The following ROBO1 variants were observed in gnomAD, a reference collection of about 807,000 sequenced individuals.
ROBO1 encodes the protein roundabout guidance receptor 1.
A neutral mutation model predicts 195.9 loss-of-function variants in ROBO1; 149 were observed. The ratio of observed to expected loss-of-function variants is 0.76; its 90% confidence interval spans 0.67 to 0.87. The LOEUF (loss-of-function observed/expected upper bound fraction) is 0.87, where lower values mean the gene tolerates loss of function less well. Among genes scored for constraint, ROBO1 ranks in the 40% least tolerant of loss-of-function variants. ROBO1 has a pLI of 0.00. For synonymous variants in ROBO1, 816 were observed against 733.2 expected, an observed-to-expected ratio of 1.11 and a Z score of -1.82; for missense variants, 1,933 against 2,068.3, an observed-to-expected ratio of 0.93 and a Z score of 1.27.
intron 2 of ROBO1, among the ~76,000 whole-genome samples, chr3:79,206,576 A>G (rs1193841673): frequency 6.6e-6 from 1 of 152,154 alleles, no homozygotes; most frequent in Non-Finnish European, 1.5e-5. Flanking sequence ...GGGTCTTGAA[A>G]CATATCCCCT....
intron 4 of ROBO1, among the ~76,000 whole-genome samples, chr3:78,857,279 C>T (rs919966606): frequency 6.6e-6 from 1 of 152,130 alleles, no homozygotes; most frequent in African/African-American, 2.4e-5. Context: ...ATCTATTAGA[C>T]ATGGGTACAC....
intron 3 of ROBO1, among the ~76,000 whole-genome samples, chr3:78,990,203 C>G (rs1381688614): frequency 6.6e-6 from 1 of 152,120 alleles, no homozygotes; most frequent in Non-Finnish European, 1.5e-5. Context: ...GGTGTTCTTT[C>G]AATCATTGTT....
intron 2 of ROBO1, among the ~76,000 whole-genome samples, chr3:79,325,316 A>C (rs1213196854): frequency 6.6e-6 from 1 of 152,200 alleles, no homozygotes; most frequent in Non-Finnish European, 1.5e-5. Context: ...GACCTCACAC[A>C]ATATTCCTAC....
At position 78,965,240 on chromosome 3, in the gene ROBO1, C is replaced by T. The variant is rs558585322; in HGVS notation, c.173-26313G>A. ...CCCTTGATAATTTATAAATTACATT[C>T]AATACATTTAGGAAAATTCTACCAA... On this transcript the variant is annotated intron_variant, in intron 3 of 30. Transcript: ENST00000464233. Among the ~76,000 whole-genome samples, 8 of 152,108 alleles carry T rather than the reference C, an allele frequency of 5.3e-5. No homozygotes were observed. The East Asian group carries it at 1.5e-3, about 29-fold the overall frequency.
chr3:79,244,896 C>T (rs2082595755), intron 2 of ROBO1, among the ~76,000 whole-genome samples: 1 of 151,662 alleles, frequency 6.6e-6, no homozygotes, highest in African/African-American at 2.4e-5. Flanking sequence ...TATTTTAAGA[C>T]ATAAGGGCAT....
At chr3:79,355,952 T>C (rs1229058824) in intron 2 of ROBO1, among the ~76,000 whole-genome samples, 2 of 152,220 alleles carry the variant, frequency 1.3e-5, no homozygotes, top group African/African-American at 4.8e-5. Context: ...CTGGATCATA[T>C]AGTATTTCTA....
intron 1 of ROBO1, among the ~76,000 whole-genome samples, chr3:79,693,621 G>T (rs1947359745): frequency 6.6e-6 from 1 of 151,512 alleles, no homozygotes; most frequent in Non-Finnish European, 1.5e-5. Flanking sequence ...TTTTTTCACA[G>T]AAATTGAATC....
intron 3 of ROBO1, among the ~76,000 whole-genome samples, chr3:79,076,797 A>G (rs2079181505): frequency 6.6e-6 from 1 of 151,830 alleles, no homozygotes; most frequent in African/African-American, 2.4e-5. Context: ...AGGGACAAGC[A>G]GAGGTTGGAG....
At chr3:79,142,859 T>C (rs951945485) in intron 2 of ROBO1, among the ~76,000 whole-genome samples, 4 of 152,164 alleles carry the variant, frequency 2.6e-5, no homozygotes, top group African/African-American at 9.6e-5. Context: ...TTATGATAAC[T>C]ATGTATGAAC....
chr3:79,536,016 A>C (rs1052615944), intron 2 of ROBO1, among the ~76,000 whole-genome samples: 5 of 152,110 alleles, frequency 3.3e-5, no homozygotes, highest in African/African-American at 9.7e-5. Context: ...CCTATTAACA[A>C]TACATCTTGG....
chr3:78,997,019 T>C (rs1301717410), intron 3 of ROBO1, among the ~76,000 whole-genome samples: 1 of 152,150 alleles, frequency 6.6e-6, no homozygotes, highest in East Asian at 1.9e-4. Context: ...CTGGATATTT[T>C]TGCTGGTCAT....
intron 2 of ROBO1, among the ~76,000 whole-genome samples, chr3:79,139,524 T>C (rs2080478537): frequency 6.6e-6 from 1 of 152,154 alleles, no homozygotes; most frequent in Non-Finnish European, 1.5e-5. Context: ...GAGGTTGTCA[T>C]AGAAATAATG....
chr3:78,726,117 G>A (rs1257587618), intron 5 of ROBO1, among the ~76,000 whole-genome samples: 1 of 151,692 alleles, frequency 6.6e-6, no homozygotes, highest in Non-Finnish European at 1.5e-5. Context: ...TTATATTAAG[G>A]GCTTCAAAGA....
intron 3 of ROBO1, among the ~76,000 whole-genome samples, chr3:78,939,425 T>C (rs1285080668): frequency 1.4e-5 from 2 of 147,234 alleles, no homozygotes; most frequent in East Asian, 2.0e-4. Flanking sequence ...CCATCCTGGC[T>C]AACAAGGTGA....
rs112675063 is a variant in ROBO1, at chr3:79,124,427, G to A, written c.172+1029C>T. Among the ~76,000 whole-genome samples, 478 of 152,194 alleles carry A rather than the reference G, an allele frequency of 3.1e-3. 6 individuals carry two copies. Among genetic ancestry groups the A allele is most frequent in the Non-Finnish European group, 5.4e-3 (369 of 67,988 alleles). On this transcript the variant is annotated intron_variant, in intron 3 of 30. Transcript: ENST00000464233. ...AGAATGATATTTATGAAGACTGTGAGGATGCTTCAAAAGTAAAATATCAAG... is the reference window on the plus strand; with the variant it reads ...AGAATGATATTTATGAAGACTGTGAAGATGCTTCAAAAGTAAAATATCAAG...
chr3:78,636,903 CTGAATATACATACA>C (rs1705535120), intron 22 of ROBO1, among the ~76,000 whole-genome samples: 1 of 129,314 alleles, frequency 7.7e-6, no homozygotes, highest in African/African-American at 2.8e-5. Context: ...CATTAAATAA[CTGAATATACATACA>C]TAATATATAC....
intron 4 of ROBO1, among the ~76,000 whole-genome samples, chr3:78,805,505 T>C (rs2084509746): frequency 6.6e-6 from 1 of 152,110 alleles, no homozygotes; most frequent in Non-Finnish European, 1.5e-5. Context: ...GTATCTTTTG[T>C]TCTAACTCTA....
At chr3:79,100,317 A>G (rs940295987) in intron 3 of ROBO1, among the ~76,000 whole-genome samples, 1 of 151,876 alleles carries the variant, frequency 6.6e-6, no homozygotes, top group African/African-American at 2.4e-5. Context: ...TTCATGGAGA[A>G]GTAGTGTTTC....
chr3:79,656,023 T>C (rs1291670181), intron 1 of ROBO1, among the ~76,000 whole-genome samples: 1 of 152,130 alleles, frequency 6.6e-6, no homozygotes, highest in Admixed American at 6.6e-5. Flanking sequence ...TTATTATTTG[T>C]AAAGTCAGCA....
Sources: gnomAD v4.1 joint callset for allele counts (sites outside exome capture counted in the v4.1 genomes callset) on GRCh38, gnomAD v4.1.1 for gene constraint, MANE v1.5 for transcripts, NCBI Gene and HGNC (gene_info 2026-07-23, HGNC 2026-07-21) for gene names.